The following CPM variants were observed in gnomAD, a reference collection of about 807,000 sequenced individuals.
The protein encoded by CPM is carboxypeptidase M.
A neutral mutation model predicts 46.4 loss-of-function variants in CPM; 35 were observed. That is an observed-to-expected ratio of 0.75 (90% CI 0.58 to 1.00). The LOEUF is 1.00. CPM is among the 50% of genes least tolerant of loss of function. The pLI, the probability that CPM is intolerant of heterozygous loss-of-function variation, is 0.00. For missense variants in CPM, 422 were observed against 530.4 expected (o/e 0.80, Z 2.01); for synonymous variants, 195 against 195.3 (o/e 1.00, Z 0.01).
At chr12:68,920,075 CCT>C (rs1363965056) in intron 2 of CPM, among the ~76,000 whole-genome samples, 2 of 152,100 alleles carry the variant, frequency 1.3e-5, no homozygotes, top group East Asian at 1.9e-4. Flanking sequence ...CCTCCCACCC[CCT>C]CTTTCTCTTG....
chr12:68,946,140 G>T lies in CPM; in HGVS notation c.-3-13300C>A, dbSNP rs556308067. 5.9e-5 allele frequency among the ~76,000 whole-genome samples: 9 copies of T among 152,194 alleles called. No homozygotes were observed. In the South Asian group the frequency reaches 1.9e-3, roughly 32 times the overall value. ...CTCTCAAAATGTTGGGATTACAGGTGTGAGCCACTGTGCCCAGCCAAGGCT... is the reference window on the plus strand; with the variant it reads ...CTCTCAAAATGTTGGGATTACAGGTTTGAGCCACTGTGCCCAGCCAAGGCT... On this transcript the variant is annotated intron_variant, in intron 1 of 8. Transcript: ENST00000546373.
At chr12:68,934,664 GA>G (rs1041912479), upstream of CPM, among the ~76,000 whole-genome samples, 6 of 150,470 alleles carry the variant, frequency 4.0e-5, no homozygotes, top group East Asian at 3.9e-4. Flanking sequence ...TATATATAAA[GA>G]AAAAAAAAGA....
intron 1 of CPM, among the ~76,000 whole-genome samples, chr12:68,949,627 A>C (rs1888904251): frequency 6.6e-6 from 1 of 152,174 alleles, no homozygotes; most frequent in Non-Finnish European, 1.5e-5. Context: ...AGCACTCAAC[A>C]ATGTGTCTGG....
intron 5 of CPM, chr12:68,843,475 A>G (rs369605393): frequency 1.8e-5 from 4 of 226,888 alleles, no homozygotes; most frequent in South Asian, 1.8e-4. Context: ...TAAAATTTCT[A>G]ATATAAGTAT....
upstream of CPM, among the ~76,000 whole-genome samples, chr12:68,934,892 A>AT (rs200813892): frequency 0.011 from 1,669 of 151,156 alleles, 25 homozygotes; most frequent in South Asian, 0.038. Flanking sequence ...AAGAGTTGGA[A>AT]TTTTTTTTTT....
upstream of CPM, among the ~76,000 whole-genome samples, chr12:68,937,909 T>C (rs2136328746): frequency 6.6e-6 from 1 of 152,290 alleles, no homozygotes; most frequent in South Asian, 2.1e-4. Flanking sequence ...CAATGACTAA[T>C]TCTGAATGAA....
At position 68,854,019 on chromosome 12, in the gene CPM, A is replaced by C. The variant is rs1472093508; in HGVS notation, c.*2418T>G. ...ACTTCAAATTGAGTCCTAATGGTAAAATTTTTTTCTGATAAAAAAAGGTAC... is the reference window on the plus strand; with the variant it reads ...ACTTCAAATTGAGTCCTAATGGTAACATTTTTTTCTGATAAAAAAAGGTAC... On this transcript the variant is annotated 3_prime_UTR_variant, in exon 9 of 9. Transcript: ENST00000551568. 3 of 152,114 alleles carry C rather than the reference A, an allele frequency of 2.0e-5. No individual in the cohort carries two copies. The highest frequency in any genetic ancestry group is 2.9e-5 in the Non-Finnish European group (2 of 68,000). 9.4% of individuals were successfully genotyped at this position (152,114 alleles called of 1,614,324 possible). A position where few individuals can be genotyped will look rare whatever the true frequency, so the allele number is the denominator to read the frequency against.
At chr12:68,875,617 C>T (rs1465298557) in intron 3 of CPM, among the ~76,000 whole-genome samples, 1 of 151,672 alleles carries the variant, frequency 6.6e-6, no homozygotes, top group African/African-American at 2.4e-5. Context: ...ACGAGCCTGG[C>T]CAGCATGGTG....
rs1885591331 is a variant in CPM, at chr12:68,869,379, T to G, written c.733A>C (p.Lys245Gln). 1 of 1,614,118 alleles carries G rather than the reference T, an allele frequency of 6.2e-7. No individual in the cohort carries two copies. The part of the protein sequence containing the change: ...NMKKGDECKN[K>Q]MNFPNGVTNG... The stretch of plus-strand genomic sequence containing the variant: ...GTAACACCATTAGGAAAGTTCATTT[T>G]GTTTTTACACTCGTCTCCTTTCTTC... Residue 245 changes from lysine to glutamine, a missense_variant, in exon 6 of 9, where the codon AAA becomes CAA. Physicochemically the swap from Lys to Gln is moderately conservative, Grantham distance 53. Coordinates refer to ENST00000551568, the MANE Select transcript of CPM (RefSeq NM_198320.5).
chr12:68,887,579 C>A (rs1245658117), intron 2 of CPM, among the ~76,000 whole-genome samples: 1 of 152,062 alleles, frequency 6.6e-6, no homozygotes. Flanking sequence ...ATTTATGTAC[C>A]CTGTTCAGTG....
rs1196279 is a variant in CPM at position 68,855,017 on chromosome 12, C to T, written c.*1420G>A. 0.19 allele frequency: 29,064 copies of T among 151,442 alleles called. 3,003 individuals carry two copies. Among genetic ancestry groups the T allele is most frequent in the Middle Eastern group, 0.32 (94 of 292 alleles). The allele number at this position is 151,442 out of a possible 1,614,324, so 9.4% of individuals were successfully genotyped here. A position where few individuals can be genotyped will look rare whatever the true frequency, so the allele number is the denominator to read the frequency against. On this transcript the variant is annotated 3_prime_UTR_variant, in exon 9 of 9. Transcript: ENST00000551568. ...GATTACAGGCATGCACCACCACGCC[C>T]GACTAATTTTTTTTTTTTTTTTAGT...
chr12:68,890,904 G>A (rs1460131664), intron 2 of CPM, among the ~76,000 whole-genome samples: 2 of 152,240 alleles, frequency 1.3e-5, no homozygotes, highest in African/African-American at 2.4e-5. Context: ...GCACATTCCA[G>A]TTTTTCGTGA....
At chr12:68,932,933 T>C (rs998894809) in intron 1 of CPM, 93 bp from the exon 2 acceptor site, 50 of 1,145,376 alleles carry the variant, frequency 4.4e-5, no homozygotes, top group Admixed American at 6.3e-5. Flanking sequence ...TCTCAGGGTC[T>C]CCCGACACTG....
At position 68,859,506 on chromosome 12, in the gene CPM, C is replaced by A. The variant is rs546953505; in HGVS notation, c.941-435G>T. ...GACTCAATAGTTTTGTCTTGTAGTG[C>A]AACTACATGGGAAGCAAAATTATAA... is the stretch of plus-strand genomic sequence containing the variant. On this transcript the variant is annotated intron_variant, in intron 7 of 8. Transcript: ENST00000551568. 2.0e-5 allele frequency among the ~76,000 whole-genome samples: 3 copies of A among 152,258 alleles called. No individual in the cohort carries two copies. In the East Asian group the frequency reaches 5.8e-4, roughly 29 times the overall value.
At chr12:68,938,542 C>T (rs2136329054) in intron 1 of CPM, among the ~76,000 whole-genome samples, 1 of 152,252 alleles carries the variant, frequency 6.6e-6, no homozygotes, top group East Asian at 1.9e-4. Context: ...AGAGCTAAAC[C>T]TTTGAGCATG....
rs1271084166 is a variant in CPM at position 68,856,468 on chromosome 12, A to G, written c.1301T>C (p.Leu434Ser). The change falls in exon 9 of 9, where the codon TTA becomes TCA. Residue 434 changes from leucine to serine, a missense_variant. Physicochemically the swap from Leu to Ser is moderately radical, Grantham distance 145. Transcript: ENST00000551568. Reference sequence around the variant, plus strand: ...GAAGAATATGTGCAAAAGACTCACTAAAAATAAGAACAAACTAGGCTTTGT... The same window carrying G: ...GAAGAATATGTGCAAAAGACTCACTGAAAATAAGAACAAACTAGGCTTTGT... ...AATKPSLFLF[L>S]VSLLHIFFK 5 of 1,614,110 alleles carry G rather than the reference A, an allele frequency of 3.1e-6. No individual in the cohort carries two copies. The South Asian group carries it at 4.4e-5, about 14-fold the overall frequency.
intron 7 of CPM, among the ~76,000 whole-genome samples, chr12:68,866,324 A>ATGTTTGTT (rs145703211): frequency 1.8e-4 from 27 of 151,796 alleles, no homozygotes; most frequent in Admixed American, 1.2e-3. Context: ...GGGACTCTGG[A>ATGTTTGTT]TGTTTGTTTG....
intron 2 of CPM, chr12:68,911,884 G>T (rs984447020): frequency 6.6e-6 from 1 of 152,134 alleles, no homozygotes; most frequent in Admixed American, 6.6e-5. Context: ...TGTTCTTCGG[G>T]CTCTGTGTTC....
At chr12:68,858,817 G>A (rs1240891964) in intron 8 of CPM, 106 bp downstream of exon 8, 1 of 594,204 alleles carries the variant, frequency 1.7e-6, no homozygotes, top group Non-Finnish European at 2.5e-6. Flanking sequence ...CTGTCTCGAT[G>A]GATCTACTTT....
Sources: allele counts gnomAD v4.1 joint callset (sites outside exome capture counted in the v4.1 genomes callset), GRCh38; gene constraint gnomAD v4.1.1; transcripts MANE v1.5; gene names NCBI Gene and HGNC (gene_info 2026-07-23, HGNC 2026-07-21).